The following SMYD4 variants were observed in gnomAD, a reference collection of about 807,000 sequenced individuals.
SMYD4 encodes SET and MYND domain containing 4.
In SMYD4, 68 loss-of-function variants were observed where a neutral mutation model predicts 72.8. The ratio of observed to expected loss-of-function variants is 0.93; its 90% CI spans 0.77 to 1.14. The LOEUF (loss-of-function observed/expected upper bound fraction) is 1.14, where lower values mean the gene tolerates loss of function less well. SMYD4 is among the 50% of genes most tolerant of loss of function. SMYD4 has a pLI of 0.00. For missense variants in SMYD4, 984 were observed against 1,003.7 expected, an observed-to-expected ratio of 0.98 and a Z score of 0.27; for synonymous variants, 407 against 388.6, an observed-to-expected ratio of 1.05 and a Z score of -0.56.
At chr17:1,817,926 A>G (rs1031605628) in intron 2 of SMYD4, among the ~76,000 whole-genome samples, 4 of 151,822 alleles carry the variant, frequency 2.6e-5, no homozygotes, top group African/African-American at 9.7e-5. Flanking sequence ...GGGTGCCTGT[A>G]GTCCCAGCTA....
In SMYD4 at chr17:1,817,069, C is replaced by T. The variant is rs545658580; in HGVS notation, c.135-4954G>A. ...AAACCTTTTTTTTTTTTTTTTAAGA[C>T]AGTCTCACTCTGTCGCCCAGGCAGA... On this transcript the variant is annotated intron_variant, in intron 2 of 10. Transcript: ENST00000305513. Among the ~76,000 whole-genome samples the T allele has an allele frequency of 2.5e-3, 354 of 141,066 alleles. 1 individual carries two copies. Among genetic ancestry groups the T allele is most frequent in the African/African-American group, 8.7e-3 (332 of 37,972 alleles). 92.5% of individuals were successfully genotyped at this position (141,066 alleles called of 152,430 possible).
chr17:1,785,767 A>AAAAAAAAAAAAAAAG (rs1483174570), intron 7 of SMYD4, among the ~76,000 whole-genome samples: 1,521 of 16,916 alleles, frequency 0.09, 37 homozygotes, highest in African/African-American at 0.24. Flanking sequence ...CCATCTCAAA[A>AAAAAAAAAAAAAAAG]AAAAAAAAGA....
At chr17:1,802,401 G>T (rs1373169392) in intron 4 of SMYD4, among the ~76,000 whole-genome samples, 1 of 152,072 alleles carries the variant, frequency 6.6e-6, no homozygotes, top group East Asian at 1.9e-4. Flanking sequence ...GACTAAAGCA[G>T]GAAGACTGCT....
intron 10 of SMYD4, 58 bp downstream of exon 10, chr17:1,782,977 C>T: frequency 1.9e-6 from 3 of 1,563,700 alleles, no homozygotes; most frequent in South Asian, 2.4e-5. Context: ...AAAAGTAATA[C>T]CCAGAAGAGC....
rs763889103 is a variant in SMYD4 at position 1,786,972 on chromosome 17, C to G, written c.1722G>C (p.Gly574=). 1.2e-6 allele frequency: 2 copies of G among 1,612,540 alleles called. No individual in the cohort carries two copies. The highest frequency in any genetic ancestry group is 2.7e-5 in the African/African-American group (2 of 74,650). The change falls in exon 7 of 11, where the codon GGG becomes GGC. Residue 574 remains glycine, a splice_region_variant and synonymous_variant. Coordinates refer to ENST00000305513, the MANE Select transcript of SMYD4 (RefSeq NM_052928.3). The part of the protein sequence containing the change: ...RKGQEILHCY[G]PHKSRMGVAE... ...CAACCCCCATCCGGCTCTTGTGAGGCCCTGGAGGGAGATCACCGTCAGCCA... is the reference window on the plus strand; with the variant it reads ...CAACCCCCATCCGGCTCTTGTGAGGGCCTGGAGGGAGATCACCGTCAGCCA...
intron 2 of SMYD4, among the ~76,000 whole-genome samples, chr17:1,826,514 AAAAAG>A (rs1597402713): frequency 2.2e-3 from 233 of 105,810 alleles, no homozygotes; most frequent in African/African-American, 5.6e-3. Flanking sequence ...AAAAAAAAAA[AAAAAG>A]AAAAGAAAAG....
chr17:1,790,203 T>C (rs1382220476), intron 5 of SMYD4, among the ~76,000 whole-genome samples: 1 of 152,224 alleles, frequency 6.6e-6, no homozygotes, highest in African/African-American at 2.4e-5. Context: ...CAGAAAAGAA[T>C]GATCACACTA....
At chr17:1,817,596 A>T (rs1910679256) in intron 2 of SMYD4, among the ~76,000 whole-genome samples, 2 of 152,104 alleles carry the variant, frequency 1.3e-5, no homozygotes, top group African/African-American at 4.8e-5. Flanking sequence ...GGCCTCTCAA[A>T]AGAGTGGTGG....
At chr17:1,820,088 A>G (rs972244216) in intron 2 of SMYD4, among the ~76,000 whole-genome samples, 3 of 151,926 alleles carry the variant, frequency 2.0e-5, no homozygotes, top group Admixed American at 2.0e-4. Flanking sequence ...ATGCCCGGCC[A>G]AAAGTCAATT....
intron 2 of SMYD4, among the ~76,000 whole-genome samples, chr17:1,824,606 TTA>T (rs1282772804): frequency 2.0e-5 from 3 of 151,150 alleles, no homozygotes; most frequent in Non-Finnish European, 2.9e-5. Context: ...CGAAATCTGA[TTA>T]TTTTATTTAT....
At chr17:1,784,300 G>A in intron 8 of SMYD4, 26 bp downstream of exon 8, 1 of 1,613,800 alleles carries the variant, frequency 6.2e-7, no homozygotes, top group Non-Finnish European at 8.5e-7. Context: ...AGGGGCTGGA[G>A]GACCAAAGCA....
At chr17:1,791,043 A>C (rs1202085457) in intron 5 of SMYD4, among the ~76,000 whole-genome samples, 4 of 140,184 alleles carry the variant, frequency 2.9e-5, no homozygotes, top group African/African-American at 8.0e-5. Context: ...AGGAGAACGG[A>C]GTGAACCCGG....
chr17:1,817,668 A>AT (rs915629349), intron 2 of SMYD4, among the ~76,000 whole-genome samples: 14 of 151,970 alleles, frequency 9.2e-5, no homozygotes, highest in African/African-American at 3.4e-4. Context: ...AGTACAGTTT[A>AT]TTTTTTTTGT....
chr17:1,786,071 G>A (rs1255145217), intron 7 of SMYD4, among the ~76,000 whole-genome samples: 1 of 152,224 alleles, frequency 6.6e-6, no homozygotes, highest in Non-Finnish European at 1.5e-5. Context: ...GTGGCATGTG[G>A]CTCACATATG....
intron 3 of SMYD4, among the ~76,000 whole-genome samples, chr17:1,810,983 C>G (rs2151244600): frequency 6.6e-6 from 1 of 152,318 alleles, no homozygotes; most frequent in East Asian, 1.9e-4. Flanking sequence ...TTCTTAAAGC[C>G]CACGTGTGAT....
chr17:1,827,278 G>A (rs1377127592), intron 2 of SMYD4, among the ~76,000 whole-genome samples: 1 of 151,512 alleles, frequency 6.6e-6, no homozygotes, highest in Non-Finnish European at 1.5e-5. Flanking sequence ...GGAGGCGGAG[G>A]CAGTGGGCTG....
At chr17:1,803,005 G>A (rs151218822) in intron 4 of SMYD4, among the ~76,000 whole-genome samples, 481 of 152,306 alleles carry the variant, frequency 3.2e-3, no homozygotes, top group African/African-American at 0.011. Flanking sequence ...TTAGCCGGGC[G>A]TGGTGGTGCA....
chr17:1,796,940 A>C (rs1909438842), intron 5 of SMYD4, among the ~76,000 whole-genome samples: 2 of 152,228 alleles, frequency 1.3e-5, no homozygotes, highest in South Asian at 4.1e-4. Flanking sequence ...AGGCACAAAG[A>C]AGCAAAGGAG....
At chr17:1,784,090 G>A (rs1475620831) in intron 8 of SMYD4, among the ~76,000 whole-genome samples, 2 of 152,218 alleles carry the variant, frequency 1.3e-5, no homozygotes, top group Non-Finnish European at 2.9e-5. Flanking sequence ...CTTCAACTTA[G>A]CAATCAGATG....
Sources: allele counts gnomAD v4.1 joint callset (sites outside exome capture counted in the v4.1 genomes callset), GRCh38; gene constraint gnomAD v4.1.1; transcripts MANE v1.5; gene names NCBI Gene and HGNC (gene_info 2026-07-23, HGNC 2026-07-21).